Variants in RIMS2 observed in about 807,000 individuals in gnomAD.
The protein encoded by RIMS2 is regulating synaptic membrane exocytosis 2.
Under a neutral mutation model 174.4 loss-of-function variants are expected in RIMS2, and 59 were observed. The observed-to-expected ratio is 0.34, with a 90% CI of 0.27 to 0.42. The LOEUF (loss-of-function observed/expected upper bound fraction) is 0.42. Ranked by LOEUF, RIMS2 falls within the 10% of genes least tolerant of loss-of-function variation. RIMS2 has a pLI of 1.00. For missense variants in RIMS2, 1,620 were observed against 1,666.3 expected (o/e 0.97, Z 0.48); for synonymous variants, 606 against 572.5 (o/e 1.06, Z -0.84).
At chr8:103,524,471 A>C (rs970840064) in intron 1 of RIMS2, among the ~76,000 whole-genome samples, 2 of 152,232 alleles carry the variant, frequency 1.3e-5, no homozygotes, top group African/African-American at 4.8e-5. Context: ...AATTGCCAAA[A>C]GTCCTGGTAG....
chr8:103,586,612 A>G (rs1023575689), intron 1 of RIMS2, among the ~76,000 whole-genome samples: 2 of 152,138 alleles, frequency 1.3e-5, no homozygotes, highest in African/African-American at 4.8e-5. Flanking sequence ...CTAAGAGGGA[A>G]ATTTATAAGT....
intron 1 of RIMS2, among the ~76,000 whole-genome samples, chr8:103,581,546 T>G (rs568632588): frequency 6.6e-6 from 1 of 152,144 alleles, no homozygotes; most frequent in Non-Finnish European, 1.5e-5. Context: ...TTGAAAGCGG[T>G]TTATTTAAGA....
At chr8:103,524,312 G>T (rs1832990669) in intron 1 of RIMS2, among the ~76,000 whole-genome samples, 1 of 152,006 alleles carries the variant, frequency 6.6e-6, no homozygotes, top group Admixed American at 6.6e-5. Context: ...AAATGACAGG[G>T]TTTCTCTTTT....
chr8:103,621,892 C>T (rs994624263), intron 1 of RIMS2, among the ~76,000 whole-genome samples: 46 of 152,094 alleles, frequency 3.0e-4, no homozygotes, highest in African/African-American at 1.0e-3. Flanking sequence ...TTTCTAAGTA[C>T]CTAAGTGATA....
chr8:104,249,413 C>T (rs765756105), intron 21 of RIMS2, 74 bp from the exon 28 acceptor site: 1 of 713,744 alleles, frequency 1.4e-6, no homozygotes, highest in Non-Finnish European at 2.5e-6. Context: ...CGATGTTAAA[C>T]CAAGGTCTTT....
At chr8:103,903,630 G>A (rs1208813316) in intron 4 of RIMS2, among the ~76,000 whole-genome samples, 1 of 152,004 alleles carries the variant, frequency 6.6e-6, no homozygotes, top group African/African-American at 2.4e-5. Flanking sequence ...TTTTTGTCAG[G>A]TCCTCATATT....
intron 9 of RIMS2, among the ~76,000 whole-genome samples, chr8:103,921,197 C>T (rs1472235471): frequency 6.6e-6 from 1 of 151,890 alleles, no homozygotes; most frequent in African/African-American, 2.4e-5. Context: ...TTTTCATGCC[C>T]CTCACTTCTT....
chr8:103,767,236 G>A (rs1186103438), intron 3 of RIMS2, among the ~76,000 whole-genome samples: 1 of 150,378 alleles, frequency 6.6e-6, no homozygotes, highest in East Asian at 1.9e-4. Context: ...TCATCAGGCT[G>A]GAGTGCAGTG....
Position 103,793,728 on chromosome 8 carries a change from G to A in RIMS2, c.698+27191G>A, listed in dbSNP as rs533213961. Among the ~76,000 whole-genome samples, 8 of 152,266 alleles carry A rather than the reference G, an allele frequency of 5.3e-5. No individual in the cohort carries two copies. In the South Asian group the frequency reaches 1.7e-3, roughly 32 times the overall value. ...CTCCTTAAGCTGATAAGCAACTTCA[G>A]CAAAGTCTCAGGGTACAAAATCAAT... On this transcript the variant is annotated intron_variant, in intron 3 of 23. Transcript: ENST00000504942.
chr8:103,545,376 G>C (rs1451884477), intron 1 of RIMS2, among the ~76,000 whole-genome samples: 2 of 152,166 alleles, frequency 1.3e-5, no homozygotes, highest in Non-Finnish European at 2.9e-5. Context: ...ATGGGATTAT[G>C]TATAGAGACC....
chr8:104,084,852 A>G (rs2097507177), intron 19 of RIMS2, among the ~76,000 whole-genome samples: 1 of 152,190 alleles, frequency 6.6e-6, no homozygotes, highest in South Asian at 2.1e-4. Context: ...CTAGAAGCAG[A>G]CTTAAAGATG....
rs751636552 is a variant in RIMS2, at chr8:104,169,304, CTATATATA to C, written c.3335-75583_3335-75576del. Among the ~76,000 whole-genome samples, 616 of 87,512 alleles carry C rather than the reference CTATATATA, an allele frequency of 7.0e-3. 4 individuals are homozygous for C. The highest frequency in any genetic ancestry group is 8.1e-3 in the Non-Finnish European group (378 of 46,930). The allele number at this position is 87,512 out of a possible 152,430, so 57.4% of individuals were successfully genotyped here. A position where few individuals can be genotyped will look rare whatever the true frequency, so the allele number is the denominator to read the frequency against. On this transcript the variant is annotated intron_variant, in intron 19 of 23. Transcript: ENST00000504942. Reference sequence around the variant, plus strand: ...AGTCCTGGACTTTTTTTGTTGTTGGCTATATATATATATATATATATATATATATATAT... The same window carrying C: ...AGTCCTGGACTTTTTTTGTTGTTGGCTATATATATATATATATATATATAT...
chr8:103,996,407 C>T (rs949904532), intron 17 of RIMS2, among the ~76,000 whole-genome samples: 2 of 151,934 alleles, frequency 1.3e-5, no homozygotes, highest in African/African-American at 4.8e-5. Context: ...CTACATGTCA[C>T]TCAAGCATTA....
intron 2 of RIMS2, among the ~76,000 whole-genome samples, chr8:103,712,167 C>CTTTTTT (rs760792486): frequency 1.6e-5 from 2 of 127,274 alleles, no homozygotes; most frequent in African/African-American, 5.9e-5. Flanking sequence ...AATTTTTAAA[C>CTTTTTT]TTTTTTTTTT....
At chr8:104,094,756 C>A in intron 19 of RIMS2, 1 of 639,294 alleles carries the variant, frequency 1.6e-6, no homozygotes, top group Non-Finnish European at 2.8e-6. Flanking sequence ...GTAGGCATTT[C>A]CCATTAGTAA....
At chr8:103,919,541 T>TA (rs2154529145) in intron 9 of RIMS2, among the ~76,000 whole-genome samples, 1 of 150,560 alleles carries the variant, frequency 6.6e-6, no homozygotes, top group Non-Finnish European at 1.5e-5. Context: ...GAGTCGAGGG[T>TA]AAAACCAGAG....
At chr8:103,845,547 T>C (rs1190896043) in intron 3 of RIMS2, among the ~76,000 whole-genome samples, 1 of 152,186 alleles carries the variant, frequency 6.6e-6, no homozygotes, top group Non-Finnish European at 1.5e-5. Flanking sequence ...TTAGAAATTA[T>C]GTTTAGATAA....
chr8:103,769,291 G>A (rs2098219761), intron 3 of RIMS2, among the ~76,000 whole-genome samples: 1 of 152,132 alleles, frequency 6.6e-6, no homozygotes, highest in Admixed American at 6.6e-5. Context: ...TCATAGACAA[G>A]GTAAAGCCTA....
At chr8:103,877,819 T>A (rs1265647798) in intron 3 of RIMS2, among the ~76,000 whole-genome samples, 1 of 151,934 alleles carries the variant, frequency 6.6e-6, no homozygotes, top group Non-Finnish European at 1.5e-5. Flanking sequence ...TAGATTGCTT[T>A]GAGCAGTATG....
Sources: allele counts gnomAD v4.1 joint callset (sites outside exome capture counted in the v4.1 genomes callset), GRCh38; gene constraint gnomAD v4.1.1; transcripts MANE v1.5; gene names NCBI Gene and HGNC (gene_info 2026-07-23, HGNC 2026-07-21).